Variants in ARB2A observed in about 807,000 individuals in gnomAD.
ARB2A encodes ARB2 cotranscriptional regulator A, also known as cotranscriptional regulator ARB2A.
chr5:93,708,629 T>A, the ARB2A span, among the ~76,000 whole-genome samples: 1 of 152,168 alleles, frequency 6.6e-6, no homozygotes, highest in East Asian at 1.9e-4. Flanking sequence ...GCTCAGGTGG[T>A]AATGCTGGCT....
At chr5:93,762,988 G>A in the ARB2A span, among the ~76,000 whole-genome samples, 1 of 152,092 alleles carries the variant, frequency 6.6e-6, no homozygotes, top group Non-Finnish European at 1.5e-5. Context: ...ATCCTTTACA[G>A]ACAAGCAAAT....
the ARB2A span, among the ~76,000 whole-genome samples, chr5:93,758,651 T>G: frequency 1.3e-5 from 2 of 151,944 alleles, no homozygotes; most frequent in Non-Finnish European, 2.9e-5. Context: ...GAACATTGGG[T>G]CAAAAACAAA....
the ARB2A span, among the ~76,000 whole-genome samples, chr5:93,756,822 A>AC: frequency 2.0e-5 from 3 of 151,868 alleles, no homozygotes; most frequent in South Asian, 2.1e-4. Flanking sequence ...GCTCGTCAAC[A>AC]CCCCCCCAAA....
At chr5:93,934,802 T>C in the ARB2A span, among the ~76,000 whole-genome samples, 1 of 151,774 alleles carries the variant, frequency 6.6e-6, no homozygotes, top group Admixed American at 6.6e-5. Context: ...TTTGATGATA[T>C]TGTTGCACCT....
chr5:94,102,360 A>G, the ARB2A span, among the ~76,000 whole-genome samples: 1 of 152,148 alleles, frequency 6.6e-6, no homozygotes, highest in East Asian at 1.9e-4. Flanking sequence ...TGAAAAACTA[A>G]AAGAATTTCA....
At chr5:94,102,539 A>G in the ARB2A span, among the ~76,000 whole-genome samples, 1 of 152,116 alleles carries the variant, frequency 6.6e-6, no homozygotes, top group Non-Finnish European at 1.5e-5. Context: ...CAGACCAAAC[A>G]TATGACACAT....
chr5:93,647,543 T>A, the ARB2A span, among the ~76,000 whole-genome samples: 3 of 151,812 alleles, frequency 2.0e-5, no homozygotes. Context: ...TTTTGTTTGT[T>A]TGTTTGTTTT....
the ARB2A span, among the ~76,000 whole-genome samples, chr5:93,692,652 TAAC>T: frequency 1.3e-5 from 2 of 152,228 alleles, no homozygotes; most frequent in Non-Finnish European, 2.9e-5. Context: ...GACAGAAAAT[TAAC>T]AAGGATATTC....
At chr5:93,875,832 A>C in the ARB2A span, among the ~76,000 whole-genome samples, 1 of 151,814 alleles carries the variant, frequency 6.6e-6, no homozygotes, top group Admixed American at 6.6e-5. Flanking sequence ...AGATAGAGTT[A>C]ATTGGGGTAC....
At chr5:93,648,980 CAAAG>C in the ARB2A span, among the ~76,000 whole-genome samples, 2 of 151,870 alleles carry the variant, frequency 1.3e-5, no homozygotes, top group African/African-American at 4.8e-5. Flanking sequence ...CCCAGGAGAA[CAAAG>C]AAAGGACTTT....
chr5:93,985,941 C>T, the ARB2A span, among the ~76,000 whole-genome samples: 1,702 of 148,732 alleles, frequency 0.011, 36 homozygotes, highest in African/African-American at 0.04. Flanking sequence ...AAGTGAGGAG[C>T]GCCTCTTCCC....
chr5:93,797,445 C>T, the ARB2A span, among the ~76,000 whole-genome samples: 277 of 152,156 alleles, frequency 1.8e-3, 1 homozygote, highest in Admixed American at 3.4e-3. Context: ...AAGCACAGTA[C>T]AGAGTGTTTA....
the ARB2A span, among the ~76,000 whole-genome samples, chr5:93,681,313 T>C: frequency 1.3e-5 from 2 of 152,172 alleles, no homozygotes; most frequent in Admixed American, 6.6e-5. Context: ...TTTCATCAAA[T>C]TTCCCTGTTC....
the ARB2A span, among the ~76,000 whole-genome samples, chr5:93,845,943 A>T: frequency 1.3e-5 from 2 of 151,848 alleles, no homozygotes; most frequent in Non-Finnish European, 1.5e-5. Context: ...TAATTTAGCA[A>T]CTTTGGGATG....
the ARB2A span, among the ~76,000 whole-genome samples, chr5:93,828,750 T>C: frequency 2.5e-4 from 38 of 152,246 alleles, 1 homozygote; most frequent in African/African-American, 8.9e-4. Context: ...TTCTCACTGT[T>C]CCCAGAATTA....
the ARB2A span, chr5:93,683,224 G>T: frequency 5.1e-6 from 7 of 1,377,844 alleles, no homozygotes; most frequent in Middle Eastern, 2.1e-4. Flanking sequence ...CATCATCATC[G>T]TCATCATCTT....
chr5:93,731,879 G>A, the ARB2A span, among the ~76,000 whole-genome samples: 2 of 152,164 alleles, frequency 1.3e-5, no homozygotes, highest in East Asian at 1.9e-4. Context: ...AGGCCCCATC[G>A]TTTCCTTTTC....
the ARB2A span, among the ~76,000 whole-genome samples, chr5:93,902,824 T>G: frequency 6.6e-6 from 1 of 152,114 alleles, no homozygotes; most frequent in African/African-American, 2.4e-5. Flanking sequence ...GAGCCATTAT[T>G]TGTCATGCAA....
At chr5:94,082,254 G>C in the ARB2A span, among the ~76,000 whole-genome samples, 1 of 152,106 alleles carries the variant, frequency 6.6e-6, no homozygotes, top group Non-Finnish European at 1.5e-5. Flanking sequence ...TCATGATTCA[G>C]TTAATCCCCT....
Sources: allele counts gnomAD v4.1 joint callset (sites outside exome capture counted in the v4.1 genomes callset), GRCh38; gene constraint gnomAD v4.1.1; transcripts MANE v1.5; gene names NCBI Gene and HGNC (gene_info 2026-07-23, HGNC 2026-07-21).